The following RDX variants were observed in gnomAD, a reference collection of about 807,000 sequenced individuals.
RDX encodes the protein deafness, autosomal recessive 24.
RDX carries 32 observed loss-of-function variants against 83.7 expected under a neutral mutation model. That is an observed-to-expected ratio of 0.38 (90% CI 0.29 to 0.51). RDX has a LOEUF of 0.51. Ranked by LOEUF, RDX falls within the 20% of genes least tolerant of loss-of-function variation. The pLI is 0.87. For synonymous variants in RDX, 229 were observed against 222.7 expected (o/e 1.03, Z -0.25); for missense variants, 600 against 689.9 (o/e 0.87, Z 1.46).
chr11:110,260,480 C>A (rs1366943278), intron 5 of RDX, among the ~76,000 whole-genome samples: 1 of 151,026 alleles, frequency 6.6e-6, no homozygotes, highest in Non-Finnish European at 1.5e-5. Flanking sequence ...CTCGCTCTGT[C>A]GCCCAGGCTG....
rs142490566 is a variant in RDX at position 110,282,478 on chromosome 11, C to T, written c.-64-2722G>A. Among the ~76,000 whole-genome samples the T allele has an allele frequency of 1.3e-4, 20 of 151,716 alleles. No homozygotes were observed. The East Asian group carries it at 3.9e-3, about 29-fold the overall frequency. On this transcript the variant is annotated intron_variant, in intron 1 of 13. Coordinates refer to ENST00000645495, the MANE Select transcript of RDX (RefSeq NM_002906.4). Reference sequence around the variant, plus strand: ...GAAATATACCTGAAGAAAATATTAACAAATATGTATAATGATACAACTACA... The same window carrying T: ...GAAATATACCTGAAGAAAATATTAATAAATATGTATAATGATACAACTACA...
chr11:110,234,162 C>T (rs1864748793), intron 12 of RDX, among the ~76,000 whole-genome samples: 1 of 152,154 alleles, frequency 6.6e-6, no homozygotes, highest in Non-Finnish European at 1.5e-5. Context: ...GTAGTCAAAA[C>T]ATTTAATTTG....
chr11:110,242,417 A>T (rs1865134833), intron 10 of RDX, among the ~76,000 whole-genome samples: 1 of 151,656 alleles, frequency 6.6e-6, no homozygotes, highest in Non-Finnish European at 1.5e-5. Context: ...CTAGGGGACA[A>T]GAGCAAGACT....
chr11:110,270,770 G>A (rs1860273038), intron 3 of RDX, among the ~76,000 whole-genome samples: 1 of 152,144 alleles, frequency 6.6e-6, no homozygotes, highest in Non-Finnish European at 1.5e-5. Context: ...GTATCCAAGT[G>A]AAAGTAATTC....
At chr11:110,202,728 GT>G (rs200516333) in intron 14 of RDX, among the ~76,000 whole-genome samples, 12 of 147,142 alleles carry the variant, frequency 8.2e-5, no homozygotes, top group Admixed American at 2.7e-4. Context: ...TCAGCCAACA[GT>G]TTTTTTTTTA....
chr11:110,273,719 GC>G (rs894084226), intron 2 of RDX, among the ~76,000 whole-genome samples: 1 of 152,050 alleles, frequency 6.6e-6, no homozygotes, highest in African/African-American at 2.4e-5. Flanking sequence ...TATCTTTTTA[GC>G]TTTTTAAATT....
intron 14 of RDX, among the ~76,000 whole-genome samples, chr11:110,202,300 C>T (rs972240092): frequency 8.6e-5 from 13 of 151,892 alleles, no homozygotes; most frequent in African/African-American, 2.7e-4. Flanking sequence ...GAGGCTGAGA[C>T]AGGAATCGCT....
chr11:110,257,263 G>A (rs1000082070), intron 7 of RDX, among the ~76,000 whole-genome samples: 7 of 151,662 alleles, frequency 4.6e-5, no homozygotes, highest in African/African-American at 1.5e-4. Flanking sequence ...TTCAATATGT[G>A]TAATACAGGG....
At chr11:110,281,406 T>G (rs892842162) in intron 1 of RDX, among the ~76,000 whole-genome samples, 2 of 151,750 alleles carry the variant, frequency 1.3e-5, no homozygotes, top group African/African-American at 2.4e-5. Flanking sequence ...CTTAGCTCAC[T>G]GCAACCTCTG....
At chr11:110,275,406 C>T (rs1860472278) in intron 2 of RDX, among the ~76,000 whole-genome samples, 1 of 152,160 alleles carries the variant, frequency 6.6e-6, no homozygotes, top group Non-Finnish European at 1.5e-5. Flanking sequence ...AACTCAGTCA[C>T]ATCATCCCAG....
At chr11:110,248,258 T>A (rs756364753) in intron 9 of RDX, among the ~76,000 whole-genome samples, 2 of 152,182 alleles carry the variant, frequency 1.3e-5, no homozygotes, top group Non-Finnish European at 2.9e-5. Context: ...TTGGAAATAG[T>A]ATTCATGTGA....
intron 1 of RDX, among the ~76,000 whole-genome samples, chr11:110,280,088 C>T (rs1860693956): frequency 6.6e-6 from 1 of 152,100 alleles, no homozygotes; most frequent in Non-Finnish European, 1.5e-5. Context: ...ATCTCTGTAT[C>T]CAGGATGTTA....
chr11:110,288,870 T>C (rs1861096082), intron 1 of RDX, among the ~76,000 whole-genome samples: 1 of 152,202 alleles, frequency 6.6e-6, no homozygotes, highest in Admixed American at 6.5e-5. Flanking sequence ...TCCTCTCTTT[T>C]TTTATGTTGT....
At chr11:110,218,669 G>A (rs1205114047) in intron 14 of RDX, among the ~76,000 whole-genome samples, 1 of 152,086 alleles carries the variant, frequency 6.6e-6, no homozygotes, top group African/African-American at 2.4e-5. Context: ...ATACAAATGG[G>A]CAGTCCCAGC....
At chr11:110,176,360 G>A (rs1025780198) in intron 15 of RDX, among the ~76,000 whole-genome samples, 7 of 152,216 alleles carry the variant, frequency 4.6e-5, no homozygotes, top group African/African-American at 9.6e-5. Context: ...CACCTTGTCC[G>A]GCCTAGCACC....
Position 110,266,200 on chromosome 11 carries a change from GCA to G in RDX, c.97-1328_97-1327del, listed in dbSNP as rs1376702399. Among the ~76,000 whole-genome samples, 1,008 of 152,128 alleles carry G rather than the reference GCA, an allele frequency of 6.6e-3. 18 individuals are homozygous for G. The highest frequency in any genetic ancestry group is 0.02 in the African/African-American group (833 of 41,484). The stretch of plus-strand genomic sequence containing the variant: ...AAAAAAAAATTAGCTGGGCGTGGTG[GCA>G]TGCGCCTGTAGTCCCAGCCACTTGG... On this transcript the variant is annotated intron_variant, in intron 3 of 13. Transcript: ENST00000645495.
intron 1 of RDX, among the ~76,000 whole-genome samples, chr11:110,295,909 A>C (rs574738726): frequency 6.6e-6 from 1 of 152,324 alleles, no homozygotes; most frequent in African/African-American, 2.4e-5. Context: ...AAAGCCTGTC[A>C]TGCAACATCC....
chr11:110,223,759 C>G (rs931206498), intron 14 of RDX, among the ~76,000 whole-genome samples: 20 of 152,072 alleles, frequency 1.3e-4, no homozygotes, highest in African/African-American at 4.8e-4. Flanking sequence ...TAATCAACTA[C>G]AGTTTTTGAC....
chr11:110,291,413 T>G (rs1045267839), intron 1 of RDX, among the ~76,000 whole-genome samples: 2 of 151,786 alleles, frequency 1.3e-5, no homozygotes, highest in East Asian at 1.9e-4. Context: ...GGGAACAGAG[T>G]TGGAAGAAAG....
Sources: gnomAD v4.1 joint callset for allele counts (sites outside exome capture counted in the v4.1 genomes callset) on GRCh38, gnomAD v4.1.1 for gene constraint, MANE v1.5 for transcripts, NCBI Gene and HGNC (gene_info 2026-07-23, HGNC 2026-07-21) for gene names.